Variants in RSPH3 observed in about 807,000 individuals in gnomAD.
RSPH3 encodes radial spoke head protein 3 homolog.
RSPH3 carries 21 observed loss-of-function variants against 43.8 expected under a neutral mutation model. That is an observed-to-expected ratio of 0.48 (90% confidence interval 0.34 to 0.69). RSPH3 has a LOEUF of 0.69. Among genes scored for constraint, RSPH3 ranks in the 30% least tolerant of loss-of-function variants. RSPH3 has a pLI of 0.01. For missense variants in RSPH3, 487 were observed against 516.0 expected (o/e 0.94, Z 0.54); for synonymous variants, 173 against 179.8 (o/e 0.96, Z 0.30).
At chr6:158,985,566 A>G (rs1778200299) in intron 3 of RSPH3, among the ~76,000 whole-genome samples, 1 of 152,026 alleles carries the variant, frequency 6.6e-6, no homozygotes, top group South Asian at 2.1e-4. Flanking sequence ...GAGTAGCTGG[A>G]ATTACAGGCG....
chr6:158,999,678 G>C lies in RSPH3; in HGVS notation c.-128C>G. The C allele has an allele frequency of 6.2e-7, 1 of 1,614,108 alleles. No homozygotes were observed. The highest frequency in any genetic ancestry group is 1.1e-5 in the South Asian group (1 of 91,062). On this transcript the variant is annotated 5_prime_UTR_variant, in exon 1 of 8. Transcript: ENST00000367069. ...AGGATTCCGCGACGCGAGGAGAGGC[G>C]ACAACAAGGGAGGCGGGCGGGACGG...
chr6:158,968,605 T>C (rs1416722464), downstream of RSPH3, among the ~76,000 whole-genome samples: 1 of 152,196 alleles, frequency 6.6e-6, no homozygotes, highest in Non-Finnish European at 1.5e-5. Context: ...CATCTTAATT[T>C]AAGACAATCT....
intron 2 of RSPH3, among the ~76,000 whole-genome samples, chr6:158,992,456 GGTTT>G (rs746535386): frequency 0.017 from 2,409 of 140,864 alleles, 28 homozygotes; most frequent in Admixed American, 0.025. Context: ...ATTTTTGTGG[GGTTT>G]TTTTTTTTTT....
intron 5 of RSPH3, among the ~76,000 whole-genome samples, chr6:158,981,541 T>C (rs1279163309): frequency 1.3e-5 from 2 of 150,930 alleles, no homozygotes; most frequent in Non-Finnish European, 2.9e-5. Flanking sequence ...CCATAATATG[T>C]TTCCAAATAG....
chr6:158,999,623 C>A lies in RSPH3; in HGVS notation c.-73G>T. 6.2e-7 allele frequency: 1 copy of A among 1,613,636 alleles called. No individual in the cohort carries two copies. Among genetic ancestry groups the A allele is most frequent in the Non-Finnish European group, 8.5e-7 (1 of 1,179,760 alleles). On this transcript the variant is annotated 5_prime_UTR_variant, in exon 1 of 8. Transcript: ENST00000367069. ...AGGTGGGCGCTAAGGTGTTGTGGGACCCGGAGAGATGTAAGTAGTGCCAAG... is the reference window on the plus strand; with the variant it reads ...AGGTGGGCGCTAAGGTGTTGTGGGAACCGGAGAGATGTAAGTAGTGCCAAG...
chr6:158,972,113 A>G (rs1269682854), downstream of RSPH3, among the ~76,000 whole-genome samples: 1 of 152,208 alleles, frequency 6.6e-6, no homozygotes, highest in Non-Finnish European at 1.5e-5. Context: ...CCTCATGATT[A>G]TGACCAATAA....
At chr6:158,996,712 G>A (rs1293965093) in intron 1 of RSPH3, among the ~76,000 whole-genome samples, 2 of 152,112 alleles carry the variant, frequency 1.3e-5, no homozygotes, top group African/African-American at 4.8e-5. Flanking sequence ...AGAACTAAAC[G>A]ACATTCTAGG....
At chr6:158,978,390 A>G in intron 6 of RSPH3, 44 bp from the exon 7 acceptor site, 1 of 969,726 alleles carries the variant, frequency 1.0e-6, no homozygotes, top group Non-Finnish European at 1.6e-6. Context: ...TATCAGAGGA[A>G]TAATGCGCTT....
At position 158,973,911 on chromosome 6, in the gene RSPH3, A is replaced by C. The variant is rs1354909429; in HGVS notation, c.*3627T>G. 1 of 150,020 alleles carries C rather than the reference A, an allele frequency of 6.7e-6. No individual in the cohort carries two copies. Among genetic ancestry groups the C allele is most frequent in the African/African-American group, 2.5e-5 (1 of 40,626 alleles). The allele number at this position is 150,020 out of a possible 1,614,324, so 9.3% of individuals were successfully genotyped here. On this transcript the variant is annotated 3_prime_UTR_variant, in exon 8 of 8. Coordinates refer to ENST00000367069, the MANE Select transcript of RSPH3 (RefSeq NM_031924.8). ...CGGCGCGACCTCCTGGGTTCAAGTG[A>C]TTCTTATGCCTCAGTCTCCCGAGTA...
Position 158,982,684 on chromosome 6 carries a change from A to G in RSPH3, c.497T>C (p.Phe166Ser). 1 of 1,611,988 alleles carries G rather than the reference A, an allele frequency of 6.2e-7. No individual in the cohort carries two copies. Among genetic ancestry groups the G allele is most frequent in the Non-Finnish European group, 8.5e-7 (1 of 1,178,410 alleles). ...VATQILEGEL[F>S]DFDLEVKPVL... is the part of the protein sequence containing the mutation. ...TGGTTTAACTTCAAGATCAAAGTCAAAGAGCTTAAACATACAAAATAAAGC... is the reference window on the plus strand; with the variant it reads ...TGGTTTAACTTCAAGATCAAAGTCAGAGAGCTTAAACATACAAAATAAAGC... The change falls in exon 5 of 8, where the codon TTT becomes TCT. Residue 166 changes from phenylalanine to serine, a missense_variant. Coordinates refer to ENST00000367069, the MANE Select transcript of RSPH3 (RefSeq NM_031924.8).
chr6:158,999,170 T>C (rs1408290494), intron 1 of RSPH3, among the ~76,000 whole-genome samples: 2 of 152,236 alleles, frequency 1.3e-5, no homozygotes, highest in Non-Finnish European at 2.9e-5. Flanking sequence ...AATTCAAACT[T>C]TGTGAAATGA....
intron 3 of RSPH3, among the ~76,000 whole-genome samples, chr6:158,984,581 A>G (rs1778163356): frequency 6.6e-6 from 1 of 151,212 alleles, no homozygotes; most frequent in African/African-American, 2.4e-5. Flanking sequence ...TACACTACAG[A>G]TTATAAACAG....
intron 3 of RSPH3, 46 bp from the exon 4 acceptor site, chr6:158,983,853 G>T: frequency 2.9e-6 from 4 of 1,388,730 alleles, no homozygotes; most frequent in South Asian, 2.3e-5. Flanking sequence ...CTGGTCTAAG[G>T]CCAGGCATGG....
At chr6:158,993,266 C>T (rs545676256) in intron 2 of RSPH3, among the ~76,000 whole-genome samples, 21 of 151,922 alleles carry the variant, frequency 1.4e-4, no homozygotes, top group South Asian at 1.0e-3. Context: ...TACAGGCGAG[C>T]GCCACCACAC....
chr6:158,993,993 T>C, intron 1 of RSPH3, 67 bp from the exon 2 acceptor site: 1 of 809,674 alleles, frequency 1.2e-6, no homozygotes, highest in South Asian at 1.6e-5. Flanking sequence ...TAACTCATTT[T>C]CAATAGGATT....
the RSPH3 span, among the ~76,000 whole-genome samples, chr6:158,963,313 C>A: frequency 6.7e-6 from 1 of 150,132 alleles, no homozygotes; most frequent in African/African-American, 2.4e-5. Context: ...TTCCTCCCTC[C>A]CTCCTCTCTC....
the RSPH3 span, among the ~76,000 whole-genome samples, chr6:158,967,665 T>C: frequency 1.4e-4 from 21 of 152,224 alleles, no homozygotes; most frequent in Non-Finnish European, 2.9e-4. Context: ...CTATCCATTA[T>C]TGAAAGTGGG....
intron 1 of RSPH3, among the ~76,000 whole-genome samples, chr6:158,994,434 G>A (rs3127179): frequency 2.0e-5 from 3 of 152,104 alleles, no homozygotes. Context: ...AGTTATTGTT[G>A]AAAATGTTAA....
the RSPH3 span, among the ~76,000 whole-genome samples, chr6:158,963,190 C>G: frequency 1.3e-5 from 2 of 152,058 alleles, no homozygotes; most frequent in Non-Finnish European, 2.9e-5. Flanking sequence ...GAATTACAAA[C>G]ATATACATAA....
Sources: gnomAD v4.1 joint callset for allele counts (sites outside exome capture counted in the v4.1 genomes callset) on GRCh38, gnomAD v4.1.1 for gene constraint, MANE v1.5 for transcripts, NCBI Gene and HGNC (gene_info 2026-07-23, HGNC 2026-07-21) for gene names.